Variants in MYO18A observed in about 807,000 individuals in gnomAD.
MYO18A encodes the protein myosin XVIIIA.
Under a neutral mutation model 235.8 loss-of-function variants are expected in MYO18A, and 78 were observed. That is an observed-to-expected ratio of 0.33 (90% CI 0.28 to 0.40). MYO18A has a LOEUF of 0.40. Among genes scored for constraint, MYO18A ranks in the 10% least tolerant of loss-of-function variants. The probability of loss-of-function intolerance (pLI) is 1.00; values close to 1 mark genes in which losing one functional copy is unlikely to be tolerated. For missense variants in MYO18A, 2,215 were observed against 2,699.3 expected (o/e 0.82, Z 3.98); for synonymous variants, 977 against 1,077.8 (o/e 0.91, Z 1.83).
rs1380136032 is a variant in MYO18A at position 29,117,334 on chromosome 17, C to A, written c.2038+711G>T. On this transcript the variant is annotated intron_variant, in intron 10 of 41. Coordinates refer to ENST00000527372, the MANE Select transcript of MYO18A (RefSeq NM_078471.4). The surrounding 1 kb of genome is among the most constrained non-coding windows in gnomAD (Gnocchi z 4.6). ...CCTGCTGCCCCCTAGTGGCCGCCAC[C>A]CTGACATGCAAGAGGAAGATACGGA... Among the ~76,000 whole-genome samples, 1 of 152,162 alleles carries A rather than the reference C, an allele frequency of 6.6e-6. No homozygotes were observed. Among genetic ancestry groups the A allele is most frequent in the Non-Finnish European group, 1.5e-5 (1 of 68,032 alleles).
chr17:29,178,734 T>G (rs760662713), intron 1 of MYO18A, among the ~76,000 whole-genome samples: 24 of 152,048 alleles, frequency 1.6e-4, no homozygotes, highest in Non-Finnish European at 3.4e-4. Flanking sequence ...GCCCCTGAAC[T>G]AAAAAGGGTG....
At chr17:29,168,280 C>G (rs1017345680) in intron 1 of MYO18A, among the ~76,000 whole-genome samples, 5 of 152,194 alleles carry the variant, frequency 3.3e-5, no homozygotes, top group Non-Finnish European at 5.9e-5. Flanking sequence ...CTGTGGTAGC[C>G]TGAAAGAAAA....
intron 41 of MYO18A, chr17:29,076,502 G>A (rs565639010): frequency 6.6e-6 from 1 of 152,326 alleles, no homozygotes; most frequent in South Asian, 2.1e-4. Flanking sequence ...GGGCAGTCTG[G>A]TTAATAGTTA....
chr17:29,149,794 C>T (rs2067930565), intron 2 of MYO18A, among the ~76,000 whole-genome samples: 1 of 152,222 alleles, frequency 6.6e-6, no homozygotes, highest in African/African-American at 2.4e-5. Flanking sequence ...AGCCATGAGC[C>T]AGCCTTGAGG....
intron 2 of MYO18A, chr17:29,131,470 G>A (rs1598355400): frequency 3.1e-6 from 3 of 982,758 alleles, no homozygotes; most frequent in Non-Finnish European, 3.6e-6. Flanking sequence ...GAAGTCACTG[G>A]CAGGTCAAGG....
In MYO18A at chr17:29,080,160, G is replaced by T. The variant is rs1022511867; in HGVS notation, c.6020+2156C>A. On this transcript the variant is annotated intron_variant, in intron 41 of 41. Coordinates refer to ENST00000527372, the MANE Select transcript of MYO18A (RefSeq NM_078471.4). ...CAGCTCGCTCCGGGGGGTCCAGTTG[G>T]GCGCTCCGGGCACTTTGGATGCTCT... 1.7e-5 allele frequency: 17 copies of T among 985,898 alleles called. No homozygotes were observed. In the African/African-American group the frequency reaches 3.0e-4, roughly 17 times the overall value. 61.1% of individuals were successfully genotyped at this position (985,898 alleles called of 1,614,324 possible).
At position 29,103,668 on chromosome 17, in the gene MYO18A, T is replaced by G. The variant is rs2066711538; in HGVS notation, c.3442-4A>C. The G allele has an allele frequency of 1.2e-6, 2 of 1,613,614 alleles. No individual in the cohort carries two copies. Among genetic ancestry groups the G allele is most frequent in the East Asian group, 4.5e-5 (2 of 44,872 alleles). The stretch of plus-strand genomic sequence containing the variant: ...ACTCCAGCAGCTCCTCCACTGCCTG[T>G]GGAGAGAGGCCTCTGTCAGGCAGCC... On this transcript the variant is annotated splice_region_variant and splice_polypyrimidine_tract_variant and intron_variant, in intron 20 of 41. Coordinates refer to ENST00000527372, the MANE Select transcript of MYO18A (RefSeq NM_078471.4).
intron 2 of MYO18A, among the ~76,000 whole-genome samples, chr17:29,123,806 T>C (rs1022499703): frequency 5.9e-5 from 9 of 152,230 alleles, no homozygotes; most frequent in African/African-American, 4.8e-5. Flanking sequence ...CACAGCACTT[T>C]GGGAGGCTGA....
At chr17:29,150,001 A>G (rs1394732563) in intron 2 of MYO18A, among the ~76,000 whole-genome samples, 5 of 152,254 alleles carry the variant, frequency 3.3e-5, no homozygotes, top group Admixed American at 6.5e-5. Flanking sequence ...CAGAAGAAAA[A>G]AAAGGAAGCC....
intron 31 of MYO18A, among the ~76,000 whole-genome samples, chr17:29,093,643 C>A (rs894335810): frequency 6.6e-6 from 1 of 152,048 alleles, no homozygotes; most frequent in Non-Finnish European, 1.5e-5. Context: ...CGGTGGCTAG[C>A]CAAGACAGAG....
chr17:29,179,582 T>A (rs1046094667), intron 1 of MYO18A, among the ~76,000 whole-genome samples: 1 of 152,136 alleles, frequency 6.6e-6, no homozygotes, highest in African/African-American at 2.4e-5. Flanking sequence ...TCCAGAGGCC[T>A]GGGGCAGCTT....
intron 2 of MYO18A, among the ~76,000 whole-genome samples, chr17:29,148,916 C>T (rs949449503): frequency 6.6e-6 from 1 of 152,208 alleles, no homozygotes; most frequent in Admixed American, 6.5e-5. Flanking sequence ...CGGCACTTCC[C>T]GGGTTGGCCC....
In MYO18A at chr17:29,098,363, T is replaced by C. The variant is rs111547772; in HGVS notation, c.3863A>G (p.Glu1288Gly). 17 of 1,613,568 alleles carry C rather than the reference T, an allele frequency of 1.1e-5. No individual in the cohort carries two copies. The highest frequency in any genetic ancestry group is 1.4e-5 in the Non-Finnish European group (17 of 1,179,846). The stretch of plus-strand genomic sequence containing the variant: ...GTGCCAGGAGTCACTCACCCGGCTC[T>C]CCAGCCGGTCACTGTTGAGCCGCAG... ...NELRLNSDRL[E>G]SRISELTSEL... The change falls in exon 24 of 42, where the codon GAG becomes GGG. Residue 1288 changes from glutamate to glycine, a missense_variant. Glu to Gly is a moderately conservative substitution (Grantham distance 98). Coordinates refer to ENST00000527372, the MANE Select transcript of MYO18A (RefSeq NM_078471.4).
In MYO18A at chr17:29,074,718, C is replaced by T. The variant is rs1023867981; in HGVS notation, c.*52G>A. 4 of 1,597,622 alleles carry T rather than the reference C, an allele frequency of 2.5e-6. No individual in the cohort carries two copies. The highest frequency in any genetic ancestry group is 3.4e-6 in the Non-Finnish European group (4 of 1,166,776). On this transcript the variant is annotated 3_prime_UTR_variant, in exon 42 of 42. Transcript: ENST00000527372. The surrounding 1 kb of genome is among the most constrained non-coding windows in gnomAD (Gnocchi z 4.4). ...GCCCCACCACTTCCTGGGAGAGGTG[C>T]CCAGGCAGCCACAGGCCCTGGGGTG...
chr17:29,098,068 C>T, intron 25 of MYO18A, 37 bp downstream of exon 25: 1 of 1,608,090 alleles, frequency 6.2e-7, no homozygotes, highest in East Asian at 2.2e-5. Context: ...GTATGGCAGT[C>T]ACCAGCCTGC....
chr17:29,114,768 A>C, intron 14 of MYO18A, 139 bp downstream of exon 14: 1 of 913,632 alleles, frequency 1.1e-6, no homozygotes, highest in Non-Finnish European at 1.6e-6. Flanking sequence ...ACAAGGGGGC[A>C]AGGAACGACT....
At chr17:29,128,640 G>A in intron 2 of MYO18A, 1 of 948,888 alleles carries the variant, frequency 1.1e-6, no homozygotes, top group Non-Finnish European at 1.4e-6. Context: ...TCACGCCCTG[G>A]AACAGATCTC....
chr17:29,080,555 C>A (rs944381130), intron 41 of MYO18A: 7 of 985,842 alleles, frequency 7.1e-6, no homozygotes, highest in Non-Finnish European at 7.2e-6. Context: ...GAGAGGCTGT[C>A]GAGCCGGGAG....
intron 20 of MYO18A, among the ~76,000 whole-genome samples, chr17:29,104,516 A>G (rs1456037786): frequency 6.6e-6 from 1 of 152,146 alleles, no homozygotes; most frequent in Non-Finnish European, 1.5e-5. Context: ...TGAGTCTGAG[A>G]TGCCATAAGG....
Sources: gnomAD v4.1 joint callset for allele counts (sites outside exome capture counted in the v4.1 genomes callset) on GRCh38, gnomAD v4.1.1 for gene constraint, Gnocchi (gnomAD v3.1) non-coding constraint, MANE v1.5 for transcripts, NCBI Gene and HGNC (gene_info 2026-07-23, HGNC 2026-07-21) for gene names.